Variants in SUCLG2 observed in about 807,000 individuals in gnomAD.
The protein encoded by SUCLG2 is succinate-CoA ligase GDP-forming subunit beta.
SUCLG2 carries 42 observed loss-of-function variants against 47.9 expected under a neutral mutation model. The observed-to-expected ratio is 0.88, with a 90% CI of 0.69 to 1.14. The LOEUF is 1.14. Among genes scored for constraint, SUCLG2 ranks in the 50% most tolerant of loss-of-function variants. SUCLG2 has a pLI of 0.00. For missense variants in SUCLG2, 571 were observed against 525.9 expected (o/e 1.09, Z -0.84); for synonymous variants, 195 against 197.3 (o/e 0.99, Z 0.10).
At chr3:67,450,127 G>C (rs895086037) in intron 9 of SUCLG2, among the ~76,000 whole-genome samples, 14 of 152,092 alleles carry the variant, frequency 9.2e-5, no homozygotes, top group Non-Finnish European at 2.1e-4. Flanking sequence ...CTGCAGCCTT[G>C]AACTCCTGGG....
At chr3:67,633,057 T>C (rs1451770750) in intron 1 of SUCLG2, among the ~76,000 whole-genome samples, 2 of 152,218 alleles carry the variant, frequency 1.3e-5, no homozygotes, top group African/African-American at 4.8e-5. Context: ...CCAACGGTGC[T>C]TTTCACCATT....
chr3:67,443,014 G>C (rs534768977), intron 9 of SUCLG2, among the ~76,000 whole-genome samples: 1 of 152,162 alleles, frequency 6.6e-6, no homozygotes, highest in East Asian at 1.9e-4. Context: ...AAAAAAGGAC[G>C]GTTTTGCCTG....
chr3:67,652,439 G>A (rs555761538), intron 1 of SUCLG2, among the ~76,000 whole-genome samples: 1 of 152,324 alleles, frequency 6.6e-6, no homozygotes, highest in Non-Finnish European at 1.5e-5. Flanking sequence ...AGTGGGCCAT[G>A]TTTAACTGCA....
intron 9 of SUCLG2, among the ~76,000 whole-genome samples, chr3:67,437,760 GATA>G (rs1703660084): frequency 6.6e-6 from 1 of 151,934 alleles, no homozygotes; most frequent in African/African-American, 2.4e-5. Context: ...CTTAAGAGAT[GATA>G]ATGATTATGA....
chr3:67,487,499 TAC>T (rs143841918), intron 9 of SUCLG2, among the ~76,000 whole-genome samples: 17 of 149,900 alleles, frequency 1.1e-4, no homozygotes, highest in East Asian at 2.0e-4. Flanking sequence ...AACACACATA[TAC>T]ACACACACAC....
Position 67,398,287 on chromosome 3 carries a change from T to C in SUCLG2, c.1183+2444A>G, listed in dbSNP as rs1436820879. ...ACCTACTCATCTGACAAAGGGCTAATATCCAGAATCTACAATGAACTCAAA... is the reference window on the plus strand; with the variant it reads ...ACCTACTCATCTGACAAAGGGCTAACATCCAGAATCTACAATGAACTCAAA... On this transcript the variant is annotated intron_variant, in intron 10 of 10. Transcript: ENST00000307227. 2.7e-5 allele frequency among the ~76,000 whole-genome samples: 4 copies of C among 150,750 alleles called. No homozygotes were observed. The Admixed American group carries it at 2.7e-4, about 10-fold the overall frequency.
chr3:67,623,088 T>C (rs972073729), intron 1 of SUCLG2, among the ~76,000 whole-genome samples: 4 of 152,140 alleles, frequency 2.6e-5, no homozygotes, highest in Non-Finnish European at 4.4e-5. Flanking sequence ...TATATATATA[T>C]ACCTATGTGT....
chr3:67,613,481 C>T (rs536476673), intron 1 of SUCLG2, among the ~76,000 whole-genome samples: 17 of 152,246 alleles, frequency 1.1e-4, no homozygotes, highest in African/African-American at 3.4e-4. Flanking sequence ...TTCAGGCCAA[C>T]GTTTAATTGC....
At chr3:67,408,783 T>G in intron 9 of SUCLG2, 1 of 1,353,318 alleles carries the variant, frequency 7.4e-7, no homozygotes. Flanking sequence ...ATTATAACTT[T>G]CCCTGGTAAA....
At chr3:67,652,120 A>G (rs1025053052) in intron 1 of SUCLG2, among the ~76,000 whole-genome samples, 2 of 151,942 alleles carry the variant, frequency 1.3e-5, no homozygotes, top group African/African-American at 4.8e-5. Context: ...AGGACGTACT[A>G]TCAATCAAAA....
At chr3:67,420,124 C>T (rs1703124990) in intron 9 of SUCLG2, among the ~76,000 whole-genome samples, 1 of 152,008 alleles carries the variant, frequency 6.6e-6, no homozygotes, top group Admixed American at 6.5e-5. Flanking sequence ...ACTTGCCATC[C>T]TAAATTCAGG....
intron 2 of SUCLG2, among the ~76,000 whole-genome samples, chr3:67,583,257 A>G (rs988570196): frequency 6.6e-6 from 1 of 152,104 alleles, no homozygotes; most frequent in Non-Finnish European, 1.5e-5. Flanking sequence ...TGCCCTGTCC[A>G]AATTCCAACT....
At position 67,439,621 on chromosome 3, in the gene SUCLG2, C is replaced by T. The variant is rs558930386; in HGVS notation, c.1063-38770G>A. ...AGAGAGCCAAATCATGAGTGAACTC[C>T]CATTCACAATTGCTACTAAGGGAAT... On this transcript the variant is annotated intron_variant, in intron 9 of 10. Coordinates refer to ENST00000307227, the MANE Select transcript of SUCLG2 (RefSeq NM_003848.4). Among the ~76,000 whole-genome samples the T allele has an allele frequency of 3.3e-5, 5 of 152,148 alleles. 1 individual carries two copies. In the South Asian group the frequency reaches 1.0e-3, roughly 32 times the overall value.
chr3:67,379,204 C>G (rs1373354186), intron 10 of SUCLG2, among the ~76,000 whole-genome samples: 2 of 152,176 alleles, frequency 1.3e-5, no homozygotes, highest in Non-Finnish European at 2.9e-5. Flanking sequence ...GCCTCGGCCT[C>G]CCAAAGTCTG....
At chr3:67,367,348 A>G (rs12634424) in intron 10 of SUCLG2, among the ~76,000 whole-genome samples, 37,172 of 152,140 alleles carry the variant, frequency 0.24, 4,654 homozygotes, top group Non-Finnish European at 0.27. Flanking sequence ...AGTTTTCACA[A>G]TCATAGAACA....
intron 9 of SUCLG2, among the ~76,000 whole-genome samples, chr3:67,449,547 C>T (rs1333936993): frequency 1.1e-5 from 1 of 91,970 alleles, no homozygotes; most frequent in Non-Finnish European, 2.0e-5. Flanking sequence ...GTACATAATA[C>T]CTCTGCCTTT....
chr3:67,452,929 C>T (rs997998043), intron 9 of SUCLG2, among the ~76,000 whole-genome samples: 4 of 152,166 alleles, frequency 2.6e-5, no homozygotes, highest in Admixed American at 6.5e-5. Context: ...TGCATAATCT[C>T]GCACGTTTTA....
At chr3:67,382,518 G>T (rs140813631) in intron 10 of SUCLG2, among the ~76,000 whole-genome samples, 326 of 152,284 alleles carry the variant, frequency 2.1e-3, no homozygotes, top group African/African-American at 7.5e-3. Flanking sequence ...GCAAGTTCTA[G>T]TTTTTGGGCA....
intron 2 of SUCLG2, among the ~76,000 whole-genome samples, chr3:67,590,116 G>A (rs917606617): frequency 6.6e-6 from 1 of 152,122 alleles, no homozygotes; most frequent in Non-Finnish European, 1.5e-5. Context: ...ACTTGATCAA[G>A]TACCTCAGTT....
Sources: allele counts gnomAD v4.1 joint callset (sites outside exome capture counted in the v4.1 genomes callset), GRCh38; gene constraint gnomAD v4.1.1; transcripts MANE v1.5; gene names NCBI Gene and HGNC (gene_info 2026-07-23, HGNC 2026-07-21).